Variants in CHCHD3 observed in about 807,000 individuals in gnomAD.
CHCHD3 encodes the protein coiled-coil-helix-coiled-coil-helix domain containing 3.
Under a neutral mutation model 38.2 loss-of-function variants are expected in CHCHD3, and 20 were observed. The ratio of observed to expected loss-of-function variants is 0.52; its 90% CI spans 0.37 to 0.76. The LOEUF (loss-of-function observed/expected upper bound fraction) is 0.76, where lower values mean the gene tolerates loss of function less well. CHCHD3 is among the 30% of genes least tolerant of loss of function. The pLI, the probability that CHCHD3 is intolerant of heterozygous loss-of-function variation, is 0.00. For synonymous variants in CHCHD3, 82 were observed against 100.0 expected (o/e 0.82, Z 1.07); for missense variants, 245 against 279.2 (o/e 0.88, Z 0.87).
At chr7:132,796,677 G>A (rs971479731) in intron 6 of CHCHD3, 100 bp from the exon 7 acceptor site, 1 of 1,035,648 alleles carries the variant, frequency 9.7e-7, no homozygotes, top group Admixed American at 2.4e-5. Flanking sequence ...CACAGATGTT[G>A]CAAATGTAGA....
intron 3 of CHCHD3, among the ~76,000 whole-genome samples, chr7:132,996,962 T>C (rs965377875): frequency 6.6e-6 from 1 of 152,240 alleles, no homozygotes; most frequent in Non-Finnish European, 1.5e-5. Context: ...CATCTACTTA[T>C]ACAAATAAAA....
intron 2 of CHCHD3, among the ~76,000 whole-genome samples, chr7:133,043,736 T>C (rs2117486054): frequency 1.3e-5 from 2 of 152,304 alleles, no homozygotes; most frequent in Middle Eastern, 6.8e-3. Context: ...ACTTATTTGA[T>C]TTTAGAACTT....
intron 6 of CHCHD3, among the ~76,000 whole-genome samples, chr7:132,833,977 T>C (rs1807713274): frequency 6.6e-6 from 1 of 152,152 alleles, no homozygotes; most frequent in South Asian, 2.1e-4. Flanking sequence ...TACAATTAAC[T>C]AAATTCTCCT....
intron 3 of CHCHD3, among the ~76,000 whole-genome samples, chr7:132,979,491 T>C (rs1430381192): frequency 6.6e-6 from 1 of 152,160 alleles, no homozygotes; most frequent in Non-Finnish European, 1.5e-5. Context: ...AAAAGTTAGG[T>C]AGGTATCTAT....
At position 132,785,334 on chromosome 7, in the gene CHCHD3, G is replaced by T. The variant is rs1166731147; in HGVS notation, c.*303C>A. On this transcript the variant is annotated 3_prime_UTR_variant, in exon 8 of 8. Transcript: ENST00000262570. ...TCAGAAGAGAAACATTTTATGGTCA[G>T]TGCAAGTTGAATAGAAAGTACCAAA... 5.3e-6 allele frequency: 2 copies of T among 375,808 alleles called. No individual in the cohort carries two copies. The highest frequency in any genetic ancestry group is 4.4e-5 in the Admixed American group (1 of 22,942). The allele number at this position is 375,808 out of a possible 1,614,324, so 23.3% of individuals were successfully genotyped here. A position where few individuals can be genotyped will look rare whatever the true frequency, so the allele number is the denominator to read the frequency against.
chr7:133,040,288 C>T (rs765211404), intron 2 of CHCHD3, among the ~76,000 whole-genome samples: 1 of 152,106 alleles, frequency 6.6e-6, no homozygotes, highest in Non-Finnish European at 1.5e-5. Flanking sequence ...GACATGCCAT[C>T]CCAAAATATG....
chr7:132,953,740 A>G (rs1350514528), intron 4 of CHCHD3, among the ~76,000 whole-genome samples: 1 of 152,176 alleles, frequency 6.6e-6, no homozygotes, highest in African/African-American at 2.4e-5. Flanking sequence ...CACCCCAAGG[A>G]CGGACTTCAC....
intron 6 of CHCHD3, among the ~76,000 whole-genome samples, chr7:132,836,473 C>T (rs1807785898): frequency 6.6e-6 from 1 of 151,770 alleles, no homozygotes; most frequent in Admixed American, 6.6e-5. Context: ...TAGAGACTTC[C>T]CATCTGATTG....
intron 4 of CHCHD3, among the ~76,000 whole-genome samples, chr7:132,946,387 A>T (rs1220860048): frequency 6.6e-6 from 1 of 151,890 alleles, no homozygotes; most frequent in African/African-American, 2.4e-5. Flanking sequence ...AAAATCAGCC[A>T]GTTTTAAACT....
chr7:132,808,156 C>T (rs1345086812), intron 6 of CHCHD3, among the ~76,000 whole-genome samples: 1 of 152,128 alleles, frequency 6.6e-6, no homozygotes, highest in Non-Finnish European at 1.5e-5. Context: ...ATCTCAGTAA[C>T]CTTGTGAGAA....
chr7:132,805,625 G>A (rs1157374754), intron 6 of CHCHD3, among the ~76,000 whole-genome samples: 1 of 152,146 alleles, frequency 6.6e-6, no homozygotes, highest in Non-Finnish European at 1.5e-5. Context: ...ATGAGAGGGT[G>A]AAGTTATAAA....
intron 4 of CHCHD3, among the ~76,000 whole-genome samples, chr7:132,887,271 T>C (rs1206444893): frequency 2.6e-5 from 4 of 151,886 alleles, no homozygotes; most frequent in Admixed American, 6.6e-5. Flanking sequence ...AGTACATTCA[T>C]ATACAAGTAT....
chr7:132,893,967 T>C (rs1317421884), intron 4 of CHCHD3, among the ~76,000 whole-genome samples: 1 of 152,230 alleles, frequency 6.6e-6, no homozygotes, highest in African/African-American at 2.4e-5. Context: ...TGCAAAAGTA[T>C]ATCTGCTATT....
chr7:132,974,049 C>T (rs1342036968), intron 4 of CHCHD3: 126 of 1,271,684 alleles, frequency 9.9e-5, no homozygotes, highest in Non-Finnish European at 1.3e-4. Flanking sequence ...TAAGAAATTG[C>T]TTAATAAATT....
At chr7:132,854,318 G>T (rs1036055362) in intron 5 of CHCHD3, among the ~76,000 whole-genome samples, 7 of 152,140 alleles carry the variant, frequency 4.6e-5, no homozygotes, top group African/African-American at 1.7e-4. Flanking sequence ...GAATGATAGG[G>T]CTGCTTAGAC....
intron 3 of CHCHD3, among the ~76,000 whole-genome samples, chr7:132,985,518 CG>C (rs1812084198): frequency 1.3e-5 from 1 of 78,728 alleles, no homozygotes; most frequent in Admixed American, 1.3e-4. Context: ...GGTCAGCCCC[CG>C]GCCCGGCCAG....
intron 1 of CHCHD3, 77 bp downstream of exon 1, chr7:133,081,780 C>T (rs926992455): frequency 6.9e-7 from 1 of 1,443,784 alleles, no homozygotes; most frequent in African/African-American, 1.4e-5. Context: ...GAAACCCAGG[C>T]TGAGCGGGTC....
chr7:132,846,565 T>G (rs904494964), intron 5 of CHCHD3, among the ~76,000 whole-genome samples: 6 of 152,274 alleles, frequency 3.9e-5, no homozygotes, highest in African/African-American at 1.4e-4. Context: ...CATGTATTTC[T>G]GTGTGGTCCC....
chr7:132,948,971 GA>G lies in CHCHD3; in HGVS notation c.369+26197del, dbSNP rs538519010. 2.0e-5 allele frequency among the ~76,000 whole-genome samples: 3 copies of G among 152,124 alleles called. No homozygotes were observed. The South Asian group carries it at 6.2e-4, about 32-fold the overall frequency. ...AACTCTTTAGCACCACAATAACTAGGAAAATAATAGTATTTAGTGCTTTCAA... is the reference window on the plus strand; with the variant it reads ...AACTCTTTAGCACCACAATAACTAGGAAATAATAGTATTTAGTGCTTTCAA... On this transcript the variant is annotated intron_variant, in intron 4 of 7. Coordinates refer to ENST00000262570, the MANE Select transcript of CHCHD3 (RefSeq NM_017812.4).
Sources: gnomAD v4.1 joint callset for allele counts (sites outside exome capture counted in the v4.1 genomes callset) on GRCh38, gnomAD v4.1.1 for gene constraint, MANE v1.5 for transcripts, NCBI Gene and HGNC (gene_info 2026-07-23, HGNC 2026-07-21) for gene names.